The following C1orf74 variants were observed in gnomAD, a reference collection of about 807,000 sequenced individuals.
C1orf74 encodes the protein chromosome 1 open reading frame 74.
Under a neutral mutation model 7.3 loss-of-function variants are expected in C1orf74, and 5 were observed. The ratio of observed to expected loss-of-function variants is 0.68; its 90% confidence interval spans 0.36 to 1.44. The LOEUF is 1.44. C1orf74 is among the 40% of genes most tolerant of loss of function. C1orf74 has a pLI of 0.04. For synonymous variants in C1orf74, 121 were observed against 132.5 expected (o/e 0.91, Z 0.59); for missense variants, 291 against 314.3 (o/e 0.93, Z 0.56).
rs190495970 is a variant in C1orf74 at position 209,780,801 on chromosome 1, T to G, written c.*2024A>C. Reference sequence around the variant, plus strand: ...CCTTCCTTATTTATACCAACTCCTATTCAAGGTTTTATTAAATGATTACCT... The same window carrying G: ...CCTTCCTTATTTATACCAACTCCTAGTCAAGGTTTTATTAAATGATTACCT... On this transcript the variant is annotated 3_prime_UTR_variant, in exon 2 of 2. Coordinates refer to ENST00000294811, the MANE Select transcript of C1orf74 (RefSeq NM_152485.4). 2.6e-6 allele frequency: 1 copy of G among 386,386 alleles called. No individual in the cohort carries two copies. Among genetic ancestry groups the G allele is most frequent in the East Asian group, 4.4e-5 (1 of 22,658 alleles). The allele number at this position is 386,386 out of a possible 1,614,324, so 23.9% of individuals were successfully genotyped here.
chr1:209,782,507 G>A lies in C1orf74; in HGVS notation c.*318C>T, dbSNP rs1057068190. The A allele has an allele frequency of 4.4e-5, 21 of 476,286 alleles. No homozygotes were observed. The highest frequency in any genetic ancestry group is 3.5e-4 in the African/African-American group (18 of 51,452). 29.5% of individuals were successfully genotyped at this position (476,286 alleles called of 1,614,324 possible). ...ATATTTACAAGGTTACCATGCAAGA[G>A]TGTTTGGCTTGTCTTCCATCACCCT... On this transcript the variant is annotated 3_prime_UTR_variant, in exon 2 of 2. Transcript: ENST00000294811.
rs2077750965 is a variant in C1orf74 at position 209,780,433 on chromosome 1, G to A, written c.*2392C>T. On this transcript the variant is annotated 3_prime_UTR_variant, in exon 2 of 2. Transcript: ENST00000294811. Reference sequence around the variant, plus strand: ...CTCAGGGCCCTTCCTCAGAGGTGTGGGCCTCACTGTCACCAAGAATCTGGC... The same window carrying A: ...CTCAGGGCCCTTCCTCAGAGGTGTGAGCCTCACTGTCACCAAGAATCTGGC... 1 of 1,511,018 alleles carries A rather than the reference G, an allele frequency of 6.6e-7. No homozygotes were observed. Among genetic ancestry groups the A allele is most frequent in the African/African-American group, 1.4e-5 (1 of 71,062 alleles). The allele number at this position is 1,511,018 out of a possible 1,614,324, so 93.6% of individuals were successfully genotyped here.
chr1:209,783,708 G>C lies in C1orf74; in HGVS notation c.-74C>G. 6.4e-6 allele frequency: 8 copies of C among 1,248,552 alleles called. No homozygotes were observed. Among genetic ancestry groups the C allele is most frequent in the Non-Finnish European group, 9.0e-6 (8 of 892,800 alleles). 77.3% of individuals were successfully genotyped at this position (1,248,552 alleles called of 1,614,324 possible). On this transcript the variant is annotated splice_region_variant and 5_prime_UTR_variant, in exon 2 of 2. Transcript: ENST00000294811. The stretch of plus-strand genomic sequence containing the variant: ...CTTTCAGCCAGACACTTGAGGAGGG[G>C]CCTAGAAACAAAGCAGGAGCAGGGA...
In C1orf74 at chr1:209,780,342, A is replaced by G; in HGVS notation, c.*2483T>C. 3.8e-6 allele frequency: 3 copies of G among 789,964 alleles called. No individual in the cohort carries two copies. Among genetic ancestry groups the G allele is most frequent in the African/African-American group, 3.5e-5 (2 of 56,464 alleles). The allele number at this position is 789,964 out of a possible 1,614,324, so 48.9% of individuals were successfully genotyped here. A position where few individuals can be genotyped will look rare whatever the true frequency, so the allele number is the denominator to read the frequency against. On this transcript the variant is annotated 3_prime_UTR_variant, in exon 2 of 2. Transcript: ENST00000294811. ...GTTAACCTTTATGTCAGAGAATGCC[A>G]TCAGTCTAGCCAAGAGCACGCCCTC...
At position 209,782,937 on chromosome 1, in the gene C1orf74, TC is replaced by T. The variant is rs1245198746; in HGVS notation, c.697del (p.Asp233ThrfsTer3). On this transcript the variant is annotated frameshift_variant, in exon 2 of 2. Transcript: ENST00000294811. LOFTEE classifies it high-confidence loss of function. ...GTCCTTCTCCCAGGTGTTTAGAATG[TC>T]CCTCAGGCCTGGGAACAAACTCTCT... ...VPESLFPGLR[D>X]ILNTWEKDLR... 6 of 1,614,004 alleles carry T rather than the reference TC, an allele frequency of 3.7e-6. No individual in the cohort carries two copies. The highest frequency in any genetic ancestry group is 5.1e-6 in the Non-Finnish European group (6 of 1,180,012).
At position 209,782,990 on chromosome 1, in the gene C1orf74, T is replaced by A; in HGVS notation, c.645A>T (p.Pro215=). ...GGACACTAAAAGAATAGAGCAGGAT[T>A]GGGGGTTGACCTAGCAACCATGAGA... ...ARISWLLGQP[P]ILLYSFSVPE... is the part of the protein sequence containing the mutation. Residue 215 remains proline, a synonymous_variant, in exon 2 of 2, where the codon CCA becomes CCT. Transcript: ENST00000294811. 2 of 1,614,118 alleles carry A rather than the reference T, an allele frequency of 1.2e-6. No individual in the cohort carries two copies. The highest frequency in any genetic ancestry group is 1.7e-6 in the Non-Finnish European group (2 of 1,180,012).
In C1orf74 at chr1:209,781,306, C is replaced by A; in HGVS notation, c.*1519G>T. ...TCCCCTGCCTGGGCTCTGTCCTAGA[C>A]AGAAGTGACAGTGATGACTTTGGTG... On this transcript the variant is annotated 3_prime_UTR_variant, in exon 2 of 2. Transcript: ENST00000294811. 3 of 1,453,298 alleles carry A rather than the reference C, an allele frequency of 2.1e-6. No individual in the cohort carries two copies. The highest frequency in any genetic ancestry group is 1.9e-6 in the Non-Finnish European group (2 of 1,036,418). 90.0% of individuals were successfully genotyped at this position (1,453,298 alleles called of 1,614,324 possible).
Position 209,783,254 on chromosome 1 carries a change from G to C in C1orf74, c.381C>G (p.Cys127Trp). ...VSSCQRHPSV[C>W]SLDQLQDLKA... ...TCAAGTCCTGAAGCTGGTCCAGGGAGCAGACAGAAGGGTGACGCTGGCAGC... is the reference window on the plus strand; with the variant it reads ...TCAAGTCCTGAAGCTGGTCCAGGGACCAGACAGAAGGGTGACGCTGGCAGC... Residue 127 changes from cysteine (C) to tryptophan (W), a missense_variant, in exon 2 of 2, where the codon TGC becomes TGG. By Grantham distance (215) the Cys-to-Trp change is radical. Transcript: ENST00000294811. 1 of 1,614,182 alleles carries C rather than the reference G, an allele frequency of 6.2e-7. No homozygotes were observed. The highest frequency in any genetic ancestry group is 8.5e-7 in the Non-Finnish European group (1 of 1,180,038).
chr1:209,781,153 A>G lies in C1orf74; in HGVS notation c.*1672T>C, dbSNP rs991145143. On this transcript the variant is annotated 3_prime_UTR_variant, in exon 2 of 2. Transcript: ENST00000294811. ...TAATACTATAATATGCATTACTGTC[A>G]ATCATTTAAATGAACACATTCCAGA... The G allele has an allele frequency of 2.3e-6, 1 of 435,002 alleles. No homozygotes were observed. Among genetic ancestry groups the G allele is most frequent in the Non-Finnish European group, 4.2e-6 (1 of 237,222 alleles). The allele number at this position is 435,002 out of a possible 1,614,324, so 26.9% of individuals were successfully genotyped here. A position where few individuals can be genotyped will look rare whatever the true frequency, so the allele number is the denominator to read the frequency against.
chr1:209,784,360 T>C lies in C1orf74; in HGVS notation c.-76+18A>G, dbSNP rs564041492. 9.8e-5 allele frequency: 15 copies of C among 152,388 alleles called. No individual in the cohort carries two copies. Among genetic ancestry groups the C allele is most frequent in the Admixed American group, 9.8e-4 (15 of 15,304 alleles). 9.4% of individuals were successfully genotyped at this position (152,388 alleles called of 1,614,324 possible). A position where few individuals can be genotyped will look rare whatever the true frequency, so the allele number is the denominator to read the frequency against. ...TTATAGTGATTTGCTAAATGAGGCATAAGTCTGTCTCACATACGTTCTTTT... is the reference window on the plus strand; with the variant it reads ...TTATAGTGATTTGCTAAATGAGGCACAAGTCTGTCTCACATACGTTCTTTT... On this transcript the variant is annotated intron_variant, in intron 1 of 1. Coordinates refer to ENST00000294811, the MANE Select transcript of C1orf74 (RefSeq NM_152485.4).
chr1:209,783,057 T>C lies in C1orf74; in HGVS notation c.578A>G (p.Asn193Ser), dbSNP rs138246139. The C allele has an allele frequency of 2.4e-4, 390 of 1,614,022 alleles. No homozygotes were observed. The highest frequency in any genetic ancestry group is 3.2e-4 in the Non-Finnish European group (378 of 1,180,026). The change falls in exon 2 of 2, where the codon AAC becomes AGC. Residue 193 changes from asparagine to serine, a missense_variant. By Grantham distance (46) the Asn-to-Ser change is conservative (BLOSUM62 1). Transcript: ENST00000294811. ...TCGTAGTGGAGTCAGAGCTAAGCAGTTGTCATCTCCCTGGTTCAGGTGAAA... is the reference window on the plus strand; with the variant it reads ...TCGTAGTGGAGTCAGAGCTAAGCAGCTGTCATCTCCCTGGTTCAGGTGAAA... ...YTFHLNQGDDNCLALTPLRVF... is the reference protein window; with the variant it reads ...YTFHLNQGDDSCLALTPLRVF...
chr1:209,783,012 G>A lies in C1orf74; in HGVS notation c.623C>T (p.Ser208Leu). 6.2e-7 allele frequency: 1 copy of A among 1,614,202 alleles called. No individual in the cohort carries two copies. The highest frequency in any genetic ancestry group is 2.2e-5 in the East Asian group (1 of 44,880). Residue 208 changes from serine (S) to leucine (L), a missense_variant, in exon 2 of 2, where the codon TCA becomes TTA. Coordinates refer to ENST00000294811, the MANE Select transcript of C1orf74 (RefSeq NM_152485.4). ...GATTGGGGGTTGACCTAGCAACCAT[G>A]AGATCCGGGCAGTGAATACTCGTAG... is the stretch of plus-strand genomic sequence containing the variant. Reference protein sequence around the residue: ...TPLRVFTARISWLLGQPPILL... With the variant: ...TPLRVFTARILWLLGQPPILL...
At position 209,779,514 on chromosome 1, in the gene C1orf74, T is replaced by A; in HGVS notation, c.*3311A>T. The A allele has an allele frequency of 1.3e-6, 1 of 751,250 alleles. No individual in the cohort carries two copies. The highest frequency in any genetic ancestry group is 2.4e-6 in the Non-Finnish European group (1 of 413,280). The allele number at this position is 751,250 out of a possible 1,614,324, so 46.5% of individuals were successfully genotyped here. ...AAGTCCGGGATGTGTGGGAGCTTTT[T>A]AAGGACTGATCATTGGCTCTGAGGA... On this transcript the variant is annotated 3_prime_UTR_variant, in exon 2 of 2. Transcript: ENST00000294811.
chr1:209,781,799 A>G lies in C1orf74; in HGVS notation c.*1026T>C. 1.9e-6 allele frequency: 1 copy of G among 519,120 alleles called. No individual in the cohort carries two copies. The highest frequency in any genetic ancestry group is 3.4e-5 in the Admixed American group (1 of 29,364). 32.2% of individuals were successfully genotyped at this position (519,120 alleles called of 1,614,324 possible). A position where few individuals can be genotyped will look rare whatever the true frequency, so the allele number is the denominator to read the frequency against. ...AGAAAGAATATAATTTTGCTGGGTT[A>G]TTTTCCACCCTTCATTATTCATATC... On this transcript the variant is annotated 3_prime_UTR_variant, in exon 2 of 2. Coordinates refer to ENST00000294811, the MANE Select transcript of C1orf74 (RefSeq NM_152485.4).
Position 209,784,414 on chromosome 1 carries a change from A to G in C1orf74, c.-112T>C, listed in dbSNP as rs1328175942. The stretch of plus-strand genomic sequence containing the variant: ...ACGTCCGCTACAGGTTCGGGGGCTC[A>G]GAAACTTTTTGCGGCTTCCTGCCTG... On this transcript the variant is annotated 5_prime_UTR_variant, in exon 1 of 2. Transcript: ENST00000294811. 1 of 152,292 alleles carries G rather than the reference A, an allele frequency of 6.6e-6. No homozygotes were observed. The highest frequency in any genetic ancestry group is 1.5e-5 in the Non-Finnish European group (1 of 68,062). The allele number at this position is 152,292 out of a possible 1,614,324, so 9.4% of individuals were successfully genotyped here. A position where few individuals can be genotyped will look rare whatever the true frequency, so the allele number is the denominator to read the frequency against.
At position 209,780,838 on chromosome 1, in the gene C1orf74, G is replaced by A. The variant is rs894061586; in HGVS notation, c.*1987C>T. 10 of 299,600 alleles carry A rather than the reference G, an allele frequency of 3.3e-5. No homozygotes were observed. The highest frequency in any genetic ancestry group is 1.1e-4 in the African/African-American group (5 of 45,890). The allele number at this position is 299,600 out of a possible 1,614,324, so 18.6% of individuals were successfully genotyped here. On this transcript the variant is annotated 3_prime_UTR_variant, in exon 2 of 2. Transcript: ENST00000294811. ...TTAAATGATTACCTTTTAGAAAGTCGACCAAAACTCAAACACATTTAATAA... is the reference window on the plus strand; with the variant it reads ...TTAAATGATTACCTTTTAGAAAGTCAACCAAAACTCAAACACATTTAATAA...
In C1orf74 at chr1:209,779,443, G is replaced by A. The variant is rs1235766249; in HGVS notation, c.*3382C>T. The A allele has an allele frequency of 5.8e-6, 8 of 1,383,326 alleles. No individual in the cohort carries two copies. The highest frequency in any genetic ancestry group is 1.7e-5 in the Admixed American group (1 of 58,840). The allele number at this position is 1,383,326 out of a possible 1,614,324, so 85.7% of individuals were successfully genotyped here. On this transcript the variant is annotated 3_prime_UTR_variant, in exon 2 of 2. Coordinates refer to ENST00000294811, the MANE Select transcript of C1orf74 (RefSeq NM_152485.4). ...CTTACCTGCCTAGAGGCAGCGGGAT[G>A]GACTACATGACCTCCTGGAGTCCCA...
Position 209,782,409 on chromosome 1 carries a change from T to C in C1orf74, c.*416A>G, listed in dbSNP as rs750059595. ...GGTGGTCTACTCTCCTCAAATTCAG[T>C]TGGAGGCATATAAACATGCAGAAAA... On this transcript the variant is annotated 3_prime_UTR_variant, in exon 2 of 2. Transcript: ENST00000294811. The C allele has an allele frequency of 3.6e-5, 18 of 493,772 alleles. No homozygotes were observed. Among genetic ancestry groups the C allele is most frequent in the Admixed American group, 7.0e-5 (2 of 28,776 alleles). The allele number at this position is 493,772 out of a possible 1,614,324, so 30.6% of individuals were successfully genotyped here.
chr1:209,781,455 C>A lies in C1orf74; in HGVS notation c.*1370G>T. ...TGAACCAGAGCCAGCAGCTGCCTCC[C>A]AGAGTAAGAGGGTCTCTCCTTCCCA... On this transcript the variant is annotated 3_prime_UTR_variant, in exon 2 of 2. Coordinates refer to ENST00000294811, the MANE Select transcript of C1orf74 (RefSeq NM_152485.4). The A allele has an allele frequency of 6.2e-7, 1 of 1,610,902 alleles. No homozygotes were observed. Among genetic ancestry groups the A allele is most frequent in the Non-Finnish European group, 8.5e-7 (1 of 1,177,460 alleles).
Sources: allele counts gnomAD v4.1 joint callset, GRCh38; gene constraint gnomAD v4.1.1; transcripts MANE v1.5; gene names NCBI Gene and HGNC (gene_info 2026-07-23, HGNC 2026-07-21).